The following NMNAT3 variants were observed in gnomAD, a reference collection of about 807,000 sequenced individuals.
NMNAT3 encodes the protein nicotinamide/nicotinic acid mononucleotide adenylyltransferase 3.
NMNAT3 carries 21 observed loss-of-function variants against 24.8 expected under a neutral mutation model. That is an observed-to-expected ratio of 0.85 (90% CI 0.60 to 1.22). The LOEUF (loss-of-function observed/expected upper bound fraction) is 1.22. Ranked by LOEUF, NMNAT3 falls within the 50% of genes most tolerant of loss-of-function variation. The probability of loss-of-function intolerance (pLI) is 0.00; values close to 1 mark genes in which losing one functional copy is unlikely to be tolerated. For missense variants in NMNAT3, 387 were observed against 436.6 expected (o/e 0.89, Z 1.01); for synonymous variants, 136 against 155.2 (o/e 0.88, Z 0.92).
At chr3:139,667,942 GC>G (rs2057636790) in intron 1 of NMNAT3, among the ~76,000 whole-genome samples, 1 of 152,212 alleles carries the variant, frequency 6.6e-6, no homozygotes, top group Non-Finnish European at 1.5e-5. Context: ...CATTCAACAG[GC>G]TGCTGGACAC....
intron 3 of NMNAT3, among the ~76,000 whole-genome samples, chr3:139,590,422 TGA>T (rs1255977314): frequency 6.6e-6 from 1 of 152,076 alleles, no homozygotes; most frequent in Non-Finnish European, 1.5e-5. Context: ...GGTGGAGGTG[TGA>T]GAGAGTGAAA....
intron 3 of NMNAT3, among the ~76,000 whole-genome samples, chr3:139,620,427 ATATACT>A (rs1482643732): frequency 1.3e-5 from 2 of 152,112 alleles, no homozygotes; most frequent in Admixed American, 1.3e-4. Context: ...TTCATATACT[ATATACT>A]CTTTTTGGTC....
chr3:139,583,211 G>T lies in NMNAT3; in HGVS notation c.110-3C>A. 1 of 1,199,216 alleles carries T rather than the reference G, an allele frequency of 8.3e-7. No individual in the cohort carries two copies. Among genetic ancestry groups the T allele is most frequent in the Non-Finnish European group, 1.2e-6 (1 of 805,956 alleles). The allele number at this position is 1,199,216 out of a possible 1,614,324, so 74.3% of individuals were successfully genotyped here. A position where few individuals can be genotyped will look rare whatever the true frequency, so the allele number is the denominator to read the frequency against. ...TTCATGGTCCTTTTCTTCATATTCT[G>T]GAATACAAGAAAACGTGTAAATGTT... On this transcript the variant is annotated splice_region_variant and splice_polypyrimidine_tract_variant and intron_variant, in intron 3 of 6. Transcript: ENST00000643695.
At chr3:139,574,415 G>A (rs534648914) in intron 5 of NMNAT3, among the ~76,000 whole-genome samples, 1 of 152,334 alleles carries the variant, frequency 6.6e-6, no homozygotes, top group South Asian at 2.1e-4. Context: ...AGTGCACTGG[G>A]CATTTCAAAT....
chr3:139,631,390 T>C (rs2056290432), intron 2 of NMNAT3, among the ~76,000 whole-genome samples: 2 of 152,148 alleles, frequency 1.3e-5, no homozygotes, highest in South Asian at 4.1e-4. Context: ...AGTGCAAATC[T>C]CATCAGACAC....
At chr3:139,631,672 A>G (rs898123446) in intron 2 of NMNAT3, among the ~76,000 whole-genome samples, 7 of 147,626 alleles carry the variant, frequency 4.7e-5, no homozygotes, top group Admixed American at 4.2e-4. Context: ...ACTGCCTCCC[A>G]CTCCATAGTC....
chr3:139,637,812 G>A (rs2056556626), intron 2 of NMNAT3, 151 bp downstream of exon 2: 1 of 152,122 alleles, frequency 6.6e-6, no homozygotes, highest in African/African-American at 2.4e-5. Context: ...ACCTTGAAAA[G>A]GTGACATAGT....
At chr3:139,662,824 C>T (rs1445672414) in intron 1 of NMNAT3, among the ~76,000 whole-genome samples, 1 of 152,178 alleles carries the variant, frequency 6.6e-6, no homozygotes, top group Admixed American at 6.5e-5. Context: ...GCTACTCTCC[C>T]TTTGCTCTCT....
chr3:139,619,240 T>G (rs964094078), intron 3 of NMNAT3, among the ~76,000 whole-genome samples: 2 of 152,142 alleles, frequency 1.3e-5, no homozygotes, highest in African/African-American at 4.8e-5. Flanking sequence ...CTGTGGAATG[T>G]TGAAAGGTGG....
At chr3:139,632,537 C>T (rs902432873) in intron 2 of NMNAT3, among the ~76,000 whole-genome samples, 4 of 152,142 alleles carry the variant, frequency 2.6e-5, no homozygotes, top group East Asian at 1.9e-4. Flanking sequence ...TTTCAGAGTC[C>T]GTCCAGTTTC....
intron 3 of NMNAT3, among the ~76,000 whole-genome samples, chr3:139,626,124 A>C: frequency 6.6e-6 from 1 of 151,616 alleles, no homozygotes; most frequent in Non-Finnish European, 1.5e-5. Context: ...TTGTGTTTGG[A>C]GTTTGTTCAG....
In NMNAT3 at chr3:139,575,947, G is replaced by T. The variant is rs1198128499; in HGVS notation, c.576-2267C>A. 5.4e-6 allele frequency: 7 copies of T among 1,288,734 alleles called. No homozygotes were observed. The East Asian group carries it at 3.9e-4, about 72-fold the overall frequency. The allele number at this position is 1,288,734 out of a possible 1,614,324, so 79.8% of individuals were successfully genotyped here. ...CAGATGGGAGCTCCACGTCCTATTTGTGTGTGACCGTGATTAACGTAGCCT... is the reference window on the plus strand; with the variant it reads ...CAGATGGGAGCTCCACGTCCTATTTTTGTGTGACCGTGATTAACGTAGCCT... On this transcript the variant is annotated intron_variant, in intron 5 of 6. Coordinates refer to ENST00000643695, the MANE Select transcript of NMNAT3 (RefSeq NM_001320510.2).
At chr3:139,622,336 A>T (rs938907302) in intron 3 of NMNAT3, among the ~76,000 whole-genome samples, 2 of 152,014 alleles carry the variant, frequency 1.3e-5, no homozygotes, top group Admixed American at 6.6e-5. Flanking sequence ...ATGATTAGTA[A>T]TGTTTAGCAG....
intron 3 of NMNAT3, among the ~76,000 whole-genome samples, chr3:139,583,780 A>T (rs572926753): frequency 6.6e-6 from 1 of 152,384 alleles, no homozygotes; most frequent in South Asian, 2.1e-4. Flanking sequence ...TCTAAAACAC[A>T]TATCATATGT....
At chr3:139,623,284 A>C (rs2055885509) in intron 3 of NMNAT3, among the ~76,000 whole-genome samples, 1 of 152,208 alleles carries the variant, frequency 6.6e-6, no homozygotes, top group Non-Finnish European at 1.5e-5. Flanking sequence ...ACACATGATC[A>C]GGATCATCAA....
At chr3:139,638,361 A>G (rs1219593210) in intron 1 of NMNAT3, among the ~76,000 whole-genome samples, 1 of 151,994 alleles carries the variant, frequency 6.6e-6, no homozygotes, top group African/African-American at 2.4e-5. Flanking sequence ...CCCATACCCA[A>G]CCTGGGGTCC....
intron 6 of NMNAT3, chr3:139,567,352 T>A (rs1937401411): frequency 1.3e-5 from 2 of 152,186 alleles, no homozygotes; most frequent in South Asian, 4.2e-4. Context: ...ACCCTTTATT[T>A]CCTTCTCCTG....
chr3:139,590,175 A>G (rs1327220052), intron 3 of NMNAT3, among the ~76,000 whole-genome samples: 2 of 152,226 alleles, frequency 1.3e-5, no homozygotes, highest in African/African-American at 2.4e-5. Context: ...TCTTTTGGTA[A>G]AATTGGGACT....
chr3:139,645,689 T>C (rs2056847809), intron 1 of NMNAT3, among the ~76,000 whole-genome samples: 1 of 152,166 alleles, frequency 6.6e-6, no homozygotes, highest in Admixed American at 6.5e-5. Flanking sequence ...CAATTTCTGC[T>C]TACATCTCAC....
Sources: gnomAD v4.1 joint callset for allele counts (sites outside exome capture counted in the v4.1 genomes callset) on GRCh38, gnomAD v4.1.1 for gene constraint, MANE v1.5 for transcripts, NCBI Gene and HGNC (gene_info 2026-07-23, HGNC 2026-07-21) for gene names.